AMPD3: variants seen among roughly 807,000 people sequenced by gnomAD.
AMPD3 encodes AMP deaminase 3.
AMPD3 carries 57 observed loss-of-function variants against 82.3 expected under a neutral mutation model. That is an observed-to-expected ratio of 0.69 (90% CI 0.56 to 0.86). AMPD3 has a LOEUF of 0.86. Ranked by LOEUF, AMPD3 falls within the 40% of genes least tolerant of loss-of-function variation. The probability of loss-of-function intolerance (pLI) is 0.00; values close to 1 mark genes in which losing one functional copy is unlikely to be tolerated. For missense variants in AMPD3, 870 were observed against 1,003.8 expected, an observed-to-expected ratio of 0.87 and a Z score of 1.80; for synonymous variants, 381 against 394.7, an observed-to-expected ratio of 0.97 and a Z score of 0.41.
At chr11:10,455,227 G>A, upstream of AMPD3, 1 of 985,414 alleles carries the variant, frequency 1.0e-6, no homozygotes, top group Non-Finnish European at 1.2e-6. Context: ...ATTTGCCTAA[G>A]TCACTGGGAG....
At chr11:10,499,234 GT>G (rs200124487) in intron 10 of AMPD3, 5 of 152,698 alleles carry the variant, frequency 3.3e-5, no homozygotes, top group Non-Finnish European at 5.8e-5. Context: ...TTTGTTTTTT[GT>G]TTTTTTTAGA....
Position 10,478,225 on chromosome 11 carries a change from G to T in AMPD3, c.222-301G>T, listed in dbSNP as rs564776057. ...GTGGTTTTAGAGCCCCTGCCATGTGGTCTGCCATTTGTCTCTCTGTCTCCT... is the reference window on the plus strand; with the variant it reads ...GTGGTTTTAGAGCCCCTGCCATGTGTTCTGCCATTTGTCTCTCTGTCTCCT... On this transcript the variant is annotated intron_variant, in intron 2 of 14. Transcript: ENST00000396553. The T allele has an allele frequency of 7.1e-6, 7 of 985,364 alleles. No homozygotes were observed. The East Asian group carries it at 6.8e-4, about 96-fold the overall frequency. The allele number at this position is 985,364 out of a possible 1,614,324, so 61.0% of individuals were successfully genotyped here.
chr11:10,501,780 G>C (rs1016337202), intron 12 of AMPD3, 190 bp downstream of exon 12: 1 of 985,050 alleles, frequency 1.0e-6, no homozygotes, highest in Non-Finnish European at 1.2e-6. Flanking sequence ...CCAAAAACTG[G>C]AGAAATGGAA....
intron 5 of AMPD3, 63 bp downstream of exon 5, chr11:10,485,102 A>G: frequency 6.0e-6 from 9 of 1,495,124 alleles, no homozygotes; most frequent in East Asian, 2.4e-5. Flanking sequence ...GAAGGAGATG[A>G]GAAAGGCCTC....
upstream of AMPD3, among the ~76,000 whole-genome samples, chr11:10,453,597 T>A (rs753937461): frequency 2.0e-5 from 3 of 152,036 alleles, no homozygotes; most frequent in Non-Finnish European, 2.9e-5. Context: ...TCTTTTTTTT[T>A]TTCTTGAGAT....
rs746046741 is a variant in AMPD3 at position 10,478,589 on chromosome 11, T to C, written c.285T>C (p.Asp95=). 33 of 1,614,044 alleles carry C rather than the reference T, an allele frequency of 2.0e-5. No homozygotes were observed. Among genetic ancestry groups the C allele is most frequent in the Non-Finnish European group, 2.5e-5 (29 of 1,180,028 alleles). ...CTCTGCAAATGCCGCCACAGCAAGATTGGAAGGGCCCCCCGGCAGCCAGTC... is the reference window on the plus strand; with the variant it reads ...CTCTGCAAATGCCGCCACAGCAAGACTGGAAGGGCCCCCCGGCAGCCAGTC... ...SLSLQMPPQQ[D]WKGPPAASPA... is the part of the protein sequence containing the mutation. The change falls in exon 3 of 15, where the codon GAT becomes GAC. Residue 95 remains aspartate (D), a synonymous_variant. Coordinates refer to ENST00000396553, the MANE Select transcript of AMPD3 (RefSeq NM_001025389.2).
intron 6 of AMPD3, 110 bp from the exon 7 acceptor site, chr11:10,493,239 G>A (rs113102350): frequency 1.1e-4 from 136 of 1,290,628 alleles, no homozygotes; most frequent in Middle Eastern, 7.6e-4. Flanking sequence ...GGGGCTGCCC[G>A]GATGGCCCAT....
intron 2 of AMPD3, chr11:10,478,049 G>A: frequency 1.0e-6 from 1 of 985,436 alleles, no homozygotes; most frequent in Non-Finnish European, 1.2e-6. Flanking sequence ...GTGAAATGCA[G>A]TGTGATTGTC....
chr11:10,507,537 G>C lies in AMPD3; in HGVS notation c.*1653G>C, dbSNP rs1308681169. The C allele has an allele frequency of 6.5e-6, 1 of 152,944 alleles. No homozygotes were observed. Among genetic ancestry groups the C allele is most frequent in the Non-Finnish European group, 1.5e-5 (1 of 68,598 alleles). The allele number at this position is 152,944 out of a possible 1,614,324, so 9.5% of individuals were successfully genotyped here. A position where few individuals can be genotyped will look rare whatever the true frequency, so the allele number is the denominator to read the frequency against. ...CTCATTGTCATTTTATCTGTATCAAGTATCTTTTTTTAAATTGTTAAATAA... is the reference window on the plus strand; with the variant it reads ...CTCATTGTCATTTTATCTGTATCAACTATCTTTTTTTAAATTGTTAAATAA... On this transcript the variant is annotated 3_prime_UTR_variant, in exon 15 of 15. Transcript: ENST00000396553.
chr11:10,453,190 G>A (rs1228928271), upstream of AMPD3, among the ~76,000 whole-genome samples: 1 of 152,142 alleles, frequency 6.6e-6, no homozygotes, highest in Non-Finnish European at 1.5e-5. Flanking sequence ...ACCTCAAGTG[G>A]TCTGGCCGCC....
chr11:10,485,795 C>CAT (rs879296597), intron 5 of AMPD3, among the ~76,000 whole-genome samples: 8,457 of 151,908 alleles, frequency 0.056, 309 homozygotes, highest in Non-Finnish European at 0.083. Context: ...CCATGATGCT[C>CAT]GTGGGCTTGG....
chr11:10,451,906 C>A (rs1045678115), upstream of AMPD3, among the ~76,000 whole-genome samples: 1 of 152,152 alleles, frequency 6.6e-6, no homozygotes, highest in African/African-American at 2.4e-5. Flanking sequence ...GCCATTGAGC[C>A]AGACAGACAG....
At chr11:10,492,439 G>A (rs1849264883) in intron 6 of AMPD3, among the ~76,000 whole-genome samples, 1 of 152,152 alleles carries the variant, frequency 6.6e-6, no homozygotes, top group Non-Finnish European at 1.5e-5. Flanking sequence ...GGCCTTTAGT[G>A]TCTGTTCTTT....
intron 2 of AMPD3, among the ~76,000 whole-genome samples, chr11:10,474,795 G>A (rs1163813281): frequency 1.3e-5 from 2 of 152,240 alleles, no homozygotes; most frequent in Non-Finnish European, 2.9e-5. Context: ...TGGCAGGAGT[G>A]TGCTTCTGCC....
chr11:10,455,838 G>C, intron 1 of AMPD3: 1 of 931,692 alleles, frequency 1.1e-6, no homozygotes, highest in Non-Finnish European at 1.3e-6. Context: ...GGGGCTTTCT[G>C]AGAAGAGGCA....
chr11:10,496,606 G>A, intron 9 of AMPD3: 2 of 966,524 alleles, frequency 2.1e-6, no homozygotes, highest in Non-Finnish European at 2.5e-6. Context: ...GCATGGGTAG[G>A]TGTGGAGCTT....
At chr11:10,483,510 AAGAC>A (rs1464220796) in intron 4 of AMPD3, among the ~76,000 whole-genome samples, 1 of 152,214 alleles carries the variant, frequency 6.6e-6, no homozygotes, top group Non-Finnish European at 1.5e-5. Flanking sequence ...AGTTTTGGCA[AAGAC>A]AGACAGAAAT....
At chr11:10,462,370 A>G (rs1401429414) in intron 2 of AMPD3, among the ~76,000 whole-genome samples, 2 of 152,254 alleles carry the variant, frequency 1.3e-5, no homozygotes, top group East Asian at 3.9e-4. Context: ...AGGAGCAGCT[A>G]CTACCCAGGA....
intron 1 of AMPD3, 97 bp downstream of exon 1, chr11:10,455,545 T>C: frequency 1.6e-6 from 1 of 631,560 alleles, no homozygotes; most frequent in Non-Finnish European, 2.0e-6. Flanking sequence ...TGGTAAAGCT[T>C]ATCAGGCTTC....
Sources: allele counts gnomAD v4.1 joint callset (sites outside exome capture counted in the v4.1 genomes callset), GRCh38; gene constraint gnomAD v4.1.1; transcripts MANE v1.5; gene names NCBI Gene and HGNC (gene_info 2026-07-23, HGNC 2026-07-21).